MED31: variants seen among roughly 807,000 people sequenced by gnomAD.
MED31 encodes mediator complex subunit 31.
In MED31, 11 loss-of-function variants were observed where a neutral mutation model predicts 22.0. The ratio of observed to expected loss-of-function variants is 0.50; its 90% CI spans 0.31 to 0.83. The LOEUF is 0.83. MED31 is among the 40% of genes least tolerant of loss of function. The probability of loss-of-function intolerance (pLI) is 0.04; values close to 1 mark genes in which losing one functional copy is unlikely to be tolerated. For missense variants in MED31, 122 were observed against 155.3 expected (o/e 0.79, Z 1.14); for synonymous variants, 60 against 55.1 (o/e 1.09, Z -0.40).
rs916387263 is a variant in MED31, at chr17:6,643,747, G to A, written c.*720C>T. Reference sequence around the variant, plus strand: ...TAGAATAAAATGAGAATTCAAGGAAGCACTTAACATAGCACCTGGTTTGTG... The same window carrying A: ...TAGAATAAAATGAGAATTCAAGGAAACACTTAACATAGCACCTGGTTTGTG... On this transcript the variant is annotated 3_prime_UTR_variant, in exon 4 of 4. Transcript: ENST00000225728. 1 of 187,050 alleles carries A rather than the reference G, an allele frequency of 5.3e-6. No homozygotes were observed. Among genetic ancestry groups the A allele is most frequent in the South Asian group, 1.9e-4 (1 of 5,146 alleles). 11.6% of individuals were successfully genotyped at this position (187,050 alleles called of 1,614,324 possible).
At chr17:6,646,420 T>C (rs1054210000) in intron 3 of MED31, among the ~76,000 whole-genome samples, 1 of 152,214 alleles carries the variant, frequency 6.6e-6, no homozygotes, top group Non-Finnish European at 1.5e-5. Context: ...TGTGTCTACG[T>C]AGAAAAGGAA....
Position 6,644,632 on chromosome 17 carries a change from C to G in MED31, c.231G>C (p.Glu77Asp), listed in dbSNP as rs753648501. The G allele has an allele frequency of 7.5e-6, 12 of 1,602,096 alleles. No homozygotes were observed. Among genetic ancestry groups the G allele is most frequent in the African/African-American group, 1.3e-5 (1 of 74,472 alleles). ...TTCGGAAGTGTTCATATTGGAGCAG[C>G]TCTAACATGTGTAAACACTGAGGGT... ...LKYPQCLHML[E>D]LLQYEHFRKE... is the part of the protein sequence containing the mutation. The change falls in exon 4 of 4, where the codon GAG becomes GAC. Residue 77 changes from glutamate (E) to aspartate (D), a missense_variant. Transcript: ENST00000225728.
chr17:6,650,428 C>A lies in MED31; in HGVS notation c.34G>T (p.Ala12Ser), dbSNP rs899345338. ...AAAVAMETDD[A>S]GNRLRFQLEL... ...AACTGAAACCGAAGTCGATTTCCAGCATCATCTAGGAGACAAGACAGCAAA... is the reference window on the plus strand; with the variant it reads ...AACTGAAACCGAAGTCGATTTCCAGAATCATCTAGGAGACAAGACAGCAAA... The change falls in exon 2 of 4, where the codon GCT becomes TCT. Residue 12 changes from alanine (A) to serine (S), a missense_variant. Transcript: ENST00000225728. The A allele has an allele frequency of 6.8e-6, 11 of 1,613,884 alleles. No individual in the cohort carries two copies. Among genetic ancestry groups the A allele is most frequent in the African/African-American group, 1.3e-5 (1 of 74,904 alleles).
At chr17:6,651,362 G>A in intron 1 of MED31, 139 bp downstream of exon 1, 1 of 1,166,052 alleles carries the variant, frequency 8.6e-7, no homozygotes, top group Non-Finnish European at 1.2e-6. Flanking sequence ...AGTCTTTCTA[G>A]ACGCTACAAG....
chr17:6,645,328 T>C (rs981416785), intron 3 of MED31, among the ~76,000 whole-genome samples: 6 of 152,232 alleles, frequency 3.9e-5, no homozygotes, highest in African/African-American at 1.2e-4. Context: ...TGTATATGTG[T>C]GTGCATGTAT....
chr17:6,650,304 T>C, intron 2 of MED31, 52 bp downstream of exon 2: 1 of 1,549,508 alleles, frequency 6.5e-7, no homozygotes, highest in South Asian at 1.1e-5. Flanking sequence ...GCAACTCTTC[T>C]GTCAGAAATC....
intron 1 of MED31, chr17:6,651,285 T>C: frequency 1.7e-6 from 1 of 596,962 alleles, no homozygotes; most frequent in Non-Finnish European, 2.9e-6. Context: ...AGGGAGCTGG[T>C]GGGGTGGTGT....
chr17:6,650,023 G>A lies in MED31; in HGVS notation c.162C>T (p.Tyr54=), dbSNP rs1336169348. The change falls in exon 3 of 4, where the codon TAC becomes TAT. Residue 54 remains tyrosine, a synonymous_variant. Transcript: ENST00000225728. ...ATTCTGGGTCTTTCCAGTAAAGCAA[G>A]TATTTAAGATAATTAACAAAAGCTT... ...KDKAFVNYLK[Y]LLYWKDPEYA... 1 of 1,603,528 alleles carries A rather than the reference G, an allele frequency of 6.2e-7. No individual in the cohort carries two copies. The highest frequency in any genetic ancestry group is 1.7e-5 in the Admixed American group (1 of 57,692).
At chr17:6,648,863 C>T (rs1282744941) in intron 3 of MED31, among the ~76,000 whole-genome samples, 1 of 151,994 alleles carries the variant, frequency 6.6e-6, no homozygotes, top group East Asian at 1.9e-4. Flanking sequence ...TGTAGATGAC[C>T]ATCTCTCGGC....
chr17:6,650,246 T>G (rs1279255500), intron 2 of MED31, 110 bp downstream of exon 2: 7 of 1,288,100 alleles, frequency 5.4e-6, no homozygotes, highest in Non-Finnish European at 7.8e-6. Context: ...AGCATAAGTG[T>G]AATGTCATTC....
intron 2 of MED31, 98 bp downstream of exon 2, chr17:6,650,258 A>C: frequency 7.4e-7 from 1 of 1,345,470 alleles, no homozygotes; most frequent in Admixed American, 1.8e-5. Flanking sequence ...ATGTCATTCA[A>C]CTGAGAATGT....
At chr17:6,651,267 C>A in intron 1 of MED31, 1 of 566,534 alleles carries the variant, frequency 1.8e-6, no homozygotes, top group East Asian at 3.0e-5. Flanking sequence ...CTTAGTCTCA[C>A]CCACGCCAGG....
chr17:6,645,202 G>A (rs543895079), intron 3 of MED31, among the ~76,000 whole-genome samples: 56 of 152,306 alleles, frequency 3.7e-4, no homozygotes, highest in African/African-American at 1.1e-3. Flanking sequence ...CTGGCTATCA[G>A]AAAAGGAGTT....
rs1355282898 is a variant in MED31 at position 6,644,047 on chromosome 17, T to TA, written c.*419dup. On this transcript the variant is annotated 3_prime_UTR_variant, in exon 4 of 4. Transcript: ENST00000225728. ...TGACTCCGCTACTCTCACTACATCT[T>TA]AGAGTAGAGTGGTAGAGTAGTTGAT... 2 of 402,746 alleles carry TA rather than the reference T, an allele frequency of 5.0e-6. No homozygotes were observed. Among genetic ancestry groups the TA allele is most frequent in the Non-Finnish European group, 8.8e-6 (2 of 228,546 alleles). The allele number at this position is 402,746 out of a possible 1,614,324, so 24.9% of individuals were successfully genotyped here. A position where few individuals can be genotyped will look rare whatever the true frequency, so the allele number is the denominator to read the frequency against.
At position 6,644,257 on chromosome 17, in the gene MED31, C is replaced by T. The variant is rs552626326; in HGVS notation, c.*210G>A. On this transcript the variant is annotated 3_prime_UTR_variant, in exon 4 of 4. Transcript: ENST00000225728. ...GCTAAATGCGTAAAAAAGAAAAACA[C>T]CTTACAAATCCACAGGGAAATCAAA... 9.8e-5 allele frequency: 56 copies of T among 570,664 alleles called. No individual in the cohort carries two copies. In the South Asian group the frequency reaches 1.5e-3, roughly 16 times the overall value. The allele number at this position is 570,664 out of a possible 1,614,324, so 35.4% of individuals were successfully genotyped here.
At chr17:6,650,217 G>A (rs565915578) in intron 2 of MED31, 139 bp from the exon 3 acceptor site, 9 of 1,182,630 alleles carry the variant, frequency 7.6e-6, no homozygotes, top group Middle Eastern at 2.0e-4. Context: ...GTCCCAGTAC[G>A]CAATTATATC....
chr17:6,644,715 G>T, intron 3 of MED31, 56 bp from the exon 4 acceptor site: 2 of 1,470,904 alleles, frequency 1.4e-6, no homozygotes, highest in Non-Finnish European at 1.8e-6. Flanking sequence ...TAATGCCAAG[G>T]TATAATTCAG....
chr17:6,646,013 T>C (rs1196254743), intron 3 of MED31, among the ~76,000 whole-genome samples: 1 of 152,204 alleles, frequency 6.6e-6, no homozygotes, highest in Non-Finnish European at 1.5e-5. Flanking sequence ...ATAGACTTCA[T>C]GTGACTGCAG....
intron 1 of MED31, among the ~76,000 whole-genome samples, chr17:6,651,120 CAA>C (rs57965628): frequency 3.5e-4 from 17 of 49,050 alleles, no homozygotes; most frequent in Admixed American, 1.0e-3. Flanking sequence ...GACGCTGTCT[CAA>C]AAAAAAAAAA....
Sources: allele counts gnomAD v4.1 joint callset (sites outside exome capture counted in the v4.1 genomes callset), GRCh38; gene constraint gnomAD v4.1.1; transcripts MANE v1.5; gene names NCBI Gene and HGNC (gene_info 2026-07-23, HGNC 2026-07-21).